Variants in SLC10A7 observed in about 807,000 individuals in gnomAD.
The protein encoded by SLC10A7 is sodium/bile acid cotransporter 7.
A neutral mutation model predicts 43.2 loss-of-function variants in SLC10A7; 29 were observed. The ratio of observed to expected loss-of-function variants is 0.67; its 90% CI spans 0.50 to 0.92. The LOEUF is 0.92. SLC10A7 is among the 40% of genes least tolerant of loss of function. The pLI, the probability that SLC10A7 is intolerant of heterozygous loss-of-function variation, is 0.00. For missense variants in SLC10A7, 295 were observed against 403.2 expected (o/e 0.73, Z 2.30); for synonymous variants, 152 against 144.8 (o/e 1.05, Z -0.35).
chr4:146,390,195 A>T (rs1738318719), intron 5 of SLC10A7, among the ~76,000 whole-genome samples: 1 of 152,146 alleles, frequency 6.6e-6, no homozygotes, highest in African/African-American at 2.4e-5. Flanking sequence ...CCTGTTCACA[A>T]GAAACTATAT....
intron 5 of SLC10A7, among the ~76,000 whole-genome samples, chr4:146,385,494 G>A (rs2630297): frequency 0.012 from 1,770 of 151,894 alleles, 27 homozygotes; most frequent in African/African-American, 0.04. Flanking sequence ...CATATGTTTC[G>A]CTTTATTTTT....
chr4:146,357,151 G>C (rs145267501), intron 5 of SLC10A7, among the ~76,000 whole-genome samples: 1 of 152,138 alleles, frequency 6.6e-6, no homozygotes, highest in Admixed American at 6.5e-5. Context: ...TGTAACATAC[G>C]TATGTATGTG....
chr4:146,290,441 T>A (rs897372398), intron 9 of SLC10A7, among the ~76,000 whole-genome samples: 1 of 149,124 alleles, frequency 6.7e-6, no homozygotes, highest in Non-Finnish European at 1.5e-5. Flanking sequence ...TCGAAGTAAA[T>A]CATTAGTAGA....
At chr4:146,276,522 C>T (rs529848596) in intron 10 of SLC10A7, among the ~76,000 whole-genome samples, 23 of 151,866 alleles carry the variant, frequency 1.5e-4, no homozygotes, top group African/African-American at 5.1e-4. Flanking sequence ...TTGAGTAAAT[C>T]AAAAAAGGTA....
rs142442066 is a variant in SLC10A7, at chr4:146,419,866, C to T, written c.435+22917G>A. Among the ~76,000 whole-genome samples, 6 of 152,098 alleles carry T rather than the reference C, an allele frequency of 3.9e-5. No individual in the cohort carries two copies. The East Asian group carries it at 1.2e-3, about 29-fold the overall frequency. On this transcript the variant is annotated intron_variant, in intron 5 of 11. Transcript: ENST00000335472. ...AAAAAGAAATCACAAAGCTACCATC[C>T]ATTTCGTTTCAATATCTACCCAATG...
intron 5 of SLC10A7, among the ~76,000 whole-genome samples, chr4:146,344,023 A>C (rs1241355432): frequency 1.3e-5 from 2 of 152,050 alleles, no homozygotes; most frequent in Non-Finnish European, 2.9e-5. Flanking sequence ...TGTGCTACAT[A>C]AGAAAATAAG....
chr4:146,260,821 T>C (rs959963840), intron 10 of SLC10A7, among the ~76,000 whole-genome samples: 1 of 152,164 alleles, frequency 6.6e-6, no homozygotes, highest in African/African-American at 2.4e-5. Flanking sequence ...AGCTGTCCTT[T>C]TGGAACTCAT....
intron 5 of SLC10A7, among the ~76,000 whole-genome samples, chr4:146,426,427 C>T (rs1729358916): frequency 6.6e-6 from 1 of 152,018 alleles, no homozygotes; most frequent in Admixed American, 6.6e-5. Flanking sequence ...ATCTGTAATC[C>T]CAACACTTTG....
chr4:146,384,620 G>T (rs1737860008), intron 5 of SLC10A7, among the ~76,000 whole-genome samples: 1 of 152,032 alleles, frequency 6.6e-6, no homozygotes, highest in Non-Finnish European at 1.5e-5. Context: ...TAGGGATTTG[G>T]ACAATATTAG....
chr4:146,403,566 A>G (rs912233656), intron 5 of SLC10A7, among the ~76,000 whole-genome samples: 22 of 152,154 alleles, frequency 1.4e-4, no homozygotes, highest in African/African-American at 5.3e-4. Flanking sequence ...ATATACCTGC[A>G]TGTATACTTC....
At chr4:146,341,549 A>G (rs1335928513) in intron 5 of SLC10A7, among the ~76,000 whole-genome samples, 1 of 151,810 alleles carries the variant, frequency 6.6e-6, no homozygotes, top group East Asian at 1.9e-4. Context: ...ACCATAATAC[A>G]TCTCATTATT....
chr4:146,372,944 G>T (rs1457144156), intron 5 of SLC10A7, among the ~76,000 whole-genome samples: 1 of 152,050 alleles, frequency 6.6e-6, no homozygotes, highest in African/African-American at 2.4e-5. Flanking sequence ...TTTAAATTTT[G>T]ATTTGCTAGA....
intron 5 of SLC10A7, among the ~76,000 whole-genome samples, chr4:146,334,907 A>AG (rs1733771740): frequency 6.6e-6 from 1 of 152,012 alleles, no homozygotes; most frequent in Non-Finnish European, 1.5e-5. Flanking sequence ...GTGCAGAGGA[A>AG]GGGGAAAGTC....
intron 10 of SLC10A7, among the ~76,000 whole-genome samples, chr4:146,280,550 G>C (rs185537942): frequency 1.0e-3 from 154 of 152,196 alleles, no homozygotes; most frequent in Non-Finnish European, 1.8e-3. Flanking sequence ...AAACAAAAAA[G>C]AATTTCCATT....
chr4:146,357,335 A>G, intron 5 of SLC10A7, among the ~76,000 whole-genome samples: 1 of 152,192 alleles, frequency 6.6e-6, no homozygotes, highest in Middle Eastern at 3.2e-3. Context: ...ATGTGTGTGT[A>G]TATATGTGCA....
rs553845597 is a variant in SLC10A7, at chr4:146,394,693, C to T, written c.435+48090G>A. Among the ~76,000 whole-genome samples, 44 of 152,186 alleles carry T rather than the reference C, an allele frequency of 2.9e-4. No individual in the cohort carries two copies. The South Asian group carries it at 3.3e-3, about 12-fold the overall frequency. ...TTTTATCTTCAAGCAATACTGTATA[C>T]TGATTTAGGGAGCAAACAGAGTCCA... On this transcript the variant is annotated intron_variant, in intron 5 of 11. Transcript: ENST00000335472.
At chr4:146,318,909 T>C (rs1018725472) in intron 6 of SLC10A7, among the ~76,000 whole-genome samples, 11 of 152,044 alleles carry the variant, frequency 7.2e-5, no homozygotes, top group Admixed American at 4.6e-4. Flanking sequence ...CAGTTCTACT[T>C]ACAACTATCT....
chr4:146,419,167 T>C (rs1053989773), intron 5 of SLC10A7, among the ~76,000 whole-genome samples: 1 of 152,188 alleles, frequency 6.6e-6, no homozygotes, highest in Non-Finnish European at 1.5e-5. Context: ...TAGGTATGAT[T>C]GATTATGTCA....
chr4:146,287,198 C>G (rs1730086289), intron 9 of SLC10A7, among the ~76,000 whole-genome samples: 2 of 152,002 alleles, frequency 1.3e-5, no homozygotes, highest in African/African-American at 4.8e-5. Context: ...GTGAGAACGA[C>G]TGAGTTTGGA....
Sources: gnomAD v4.1 joint callset for allele counts (sites outside exome capture counted in the v4.1 genomes callset) on GRCh38, gnomAD v4.1.1 for gene constraint, MANE v1.5 for transcripts, NCBI Gene and HGNC (gene_info 2026-07-23, HGNC 2026-07-21) for gene names.